The following NAP1L1 variants were observed in gnomAD, a reference collection of about 807,000 sequenced individuals.
NAP1L1 encodes nucleosome assembly protein 1 like 1, also known as nucleosome assembly protein 1-like 1.
NAP1L1 carries 9 observed loss-of-function variants against 58.9 expected under a neutral mutation model. That is an observed-to-expected ratio of 0.15 (90% CI 0.09 to 0.27). The LOEUF is 0.27. Among genes scored for constraint, NAP1L1 ranks in the 10% least tolerant of loss-of-function variants. NAP1L1 has a pLI of 1.00. For synonymous variants in NAP1L1, 130 were observed against 138.3 expected (o/e 0.94, Z 0.42); for missense variants, 302 against 458.8 (o/e 0.66, Z 3.12).
At position 76,039,959 on chromosome 12, in the gene NAP1L1, G is replaced by T. The variant is rs1168646268; in HGVS notation, c.*8470C>A. On this transcript the variant is annotated 3_prime_UTR_variant, in exon 15 of 15. Coordinates refer to ENST00000618691, the MANE Select transcript of NAP1L1 (RefSeq NM_004537.7). ...TCTAGTTACATTATACCCAACTTTT[G>T]AAAACACGTGTACTTAAGGGTCACC... is the stretch of plus-strand genomic sequence containing the variant. 6.6e-6 allele frequency: 1 copy of T among 152,066 alleles called. No individual in the cohort carries two copies. Among genetic ancestry groups the T allele is most frequent in the East Asian group, 1.9e-4 (1 of 5,190 alleles). The allele number at this position is 152,066 out of a possible 1,614,324, so 9.4% of individuals were successfully genotyped here.
chr12:76,062,741 A>G (rs1199302388), intron 4 of NAP1L1, among the ~76,000 whole-genome samples: 4 of 152,244 alleles, frequency 2.6e-5, no homozygotes, highest in Admixed American at 2.6e-4. Context: ...TGAGATATGG[A>G]CGACAAAAGT....
rs139945348 is a variant in NAP1L1, at chr12:76,056,240, AAGCACAGTC to A, written c.430-88_430-80del. On this transcript the variant is annotated intron_variant, in intron 6 of 14. Transcript: ENST00000618691. ...AAGTAGCAAAGGTATAAAAACCAAAAAGCACAGTCACCAGATATTACCTTCAAAGTTCTA... is the reference window on the plus strand; with the variant it reads ...AAGTAGCAAAGGTATAAAAACCAAAAACCAGATATTACCTTCAAAGTTCTA... 3,530 of 1,394,884 alleles carry A rather than the reference AAGCACAGTC, an allele frequency of 2.5e-3. 74 individuals are homozygous for A. In the African/African-American group the frequency reaches 0.046, roughly 18 times the overall value. The allele number at this position is 1,394,884 out of a possible 1,614,324, so 86.4% of individuals were successfully genotyped here. A position where few individuals can be genotyped will look rare whatever the true frequency, so the allele number is the denominator to read the frequency against.
chr12:76,084,077 GA>G (rs1950514509), intron 1 of NAP1L1: 1 of 152,252 alleles, frequency 6.6e-6, no homozygotes, highest in East Asian at 2.0e-4. Context: ...CCTCCCGTCG[GA>G]ATTCGCAGCC....
chr12:76,049,908 G>A, intron 12 of NAP1L1, 123 bp from the exon 13 acceptor site: 4 of 991,928 alleles, frequency 4.0e-6, no homozygotes, highest in Non-Finnish European at 4.6e-6. Context: ...TCCTATCAAG[G>A]GGCTGATTAT....
chr12:76,064,123 T>C (rs1289098774), intron 4 of NAP1L1, among the ~76,000 whole-genome samples: 2 of 152,080 alleles, frequency 1.3e-5, no homozygotes, highest in African/African-American at 4.8e-5. Flanking sequence ...CCAGAGTGGA[T>C]CACAGAGTAA....
rs1416311848 is a variant in NAP1L1, at chr12:76,040,327, A to ATTT, written c.*8101_*8102insAAA. The ATTT allele has an allele frequency of 6.6e-6, 1 of 152,118 alleles. No homozygotes were observed. The highest frequency in any genetic ancestry group is 2.4e-5 in the African/African-American group (1 of 41,402). The allele number at this position is 152,118 out of a possible 1,614,324, so 9.4% of individuals were successfully genotyped here. A position where few individuals can be genotyped will look rare whatever the true frequency, so the allele number is the denominator to read the frequency against. ...TTGATATGCCTTCCCTTGACTTTAA[A>ATTT]AAACAACTAAGTTGACTCTTGAATA... On this transcript the variant is annotated 3_prime_UTR_variant, in exon 15 of 15. Coordinates refer to ENST00000618691, the MANE Select transcript of NAP1L1 (RefSeq NM_004537.7).
At chr12:76,062,140 A>G (rs1949444670) in intron 4 of NAP1L1, among the ~76,000 whole-genome samples, 1 of 152,226 alleles carries the variant, frequency 6.6e-6, no homozygotes, top group Non-Finnish European at 1.5e-5. Flanking sequence ...TTCACCCTTC[A>G]CAAGAGCCCA....
intron 4 of NAP1L1, among the ~76,000 whole-genome samples, chr12:76,063,880 T>TAA (rs1565731990): frequency 6.2e-4 from 35 of 56,548 alleles, no homozygotes; most frequent in East Asian, 1.6e-3. Flanking sequence ...GGTTAAAAGT[T>TAA]TAAAAAAAAA....
In NAP1L1 at chr12:76,058,227, A is replaced by G. The variant is rs1949223423; in HGVS notation, c.429+1571T>C. On this transcript the variant is annotated intron_variant, in intron 6 of 14. Transcript: ENST00000618691. ...TATATATATATATATATATATATGT[A>G]TTCTACAGTAAAACTGTAGACTGCC... 7 of 244,270 alleles carry G rather than the reference A, an allele frequency of 2.9e-5. 2 individuals carry two copies. The highest frequency in any genetic ancestry group is 2.6e-4 in the Admixed American group (5 of 19,150). The allele number at this position is 244,270 out of a possible 1,614,324, so 15.1% of individuals were successfully genotyped here.
chr12:76,065,678 C>A (rs1949628776), intron 4 of NAP1L1, among the ~76,000 whole-genome samples: 1 of 152,022 alleles, frequency 6.6e-6, no homozygotes, highest in Non-Finnish European at 1.5e-5. Context: ...AAACTAAAGA[C>A]ACAGAATGTG....
intron 7 of NAP1L1, among the ~76,000 whole-genome samples, chr12:76,055,420 C>T (rs765566406): frequency 2.6e-5 from 4 of 152,168 alleles, no homozygotes; most frequent in Non-Finnish European, 5.9e-5. Context: ...TGCTTGTCCC[C>T]TTCCTCCTGG....
chr12:76,071,187 G>A (rs889636548), intron 2 of NAP1L1, among the ~76,000 whole-genome samples: 6 of 152,118 alleles, frequency 3.9e-5, no homozygotes, highest in African/African-American at 1.4e-4. Flanking sequence ...TTAGAGAATC[G>A]TATGTGGCCC....
rs1031593292 is a variant in NAP1L1 at position 76,050,963 on chromosome 12, G to A, written c.937-310C>T. On this transcript the variant is annotated intron_variant, in intron 11 of 14. Coordinates refer to ENST00000618691, the MANE Select transcript of NAP1L1 (RefSeq NM_004537.7). Reference sequence around the variant, plus strand: ...GAGCCCAGCAGCTTGAGGCTGAAATGAGCTGTGATCACACCAGTGTACTCT... The same window carrying A: ...GAGCCCAGCAGCTTGAGGCTGAAATAAGCTGTGATCACACCAGTGTACTCT... 2.8e-5 allele frequency among the ~76,000 whole-genome samples: 4 copies of A among 142,980 alleles called. No individual in the cohort carries two copies. The Admixed American group carries it at 2.9e-4, about 10-fold the overall frequency. 93.8% of individuals were successfully genotyped at this position (142,980 alleles called of 152,430 possible).
intron 7 of NAP1L1, 37 bp from the exon 8 acceptor site, chr12:76,055,127 GCATT>G: frequency 7.0e-7 from 1 of 1,423,364 alleles, no homozygotes. Flanking sequence ...GAATAACATG[GCATT>G]CGAGGACTGT....
chr12:76,058,449 C>T (rs371934174), intron 6 of NAP1L1, among the ~76,000 whole-genome samples: 2 of 148,168 alleles, frequency 1.3e-5, no homozygotes, highest in African/African-American at 2.5e-5. Flanking sequence ...CGCAGTGGTG[C>T]GATCTCGGCT....
intron 2 of NAP1L1, among the ~76,000 whole-genome samples, chr12:76,073,279 A>G (rs926452044): frequency 6.6e-6 from 1 of 152,076 alleles, no homozygotes; most frequent in African/African-American, 2.4e-5. Flanking sequence ...TGCCTACAAC[A>G]GCTATGGAAA....
intron 6 of NAP1L1, chr12:76,057,529 G>C: frequency 1.3e-6 from 1 of 752,952 alleles, no homozygotes; most frequent in Non-Finnish European, 2.3e-6. Context: ...AACTGCCTGG[G>C]TTTGTGAAAT....
chr12:76,049,085 G>T, intron 14 of NAP1L1, 115 bp downstream of exon 14: 1 of 1,042,946 alleles, frequency 9.6e-7, no homozygotes. Flanking sequence ...AAGTTATCCA[G>T]TCAATAGGCT....
At chr12:76,074,122 T>C (rs1347015245) in intron 2 of NAP1L1, 81 bp downstream of exon 2, 1 of 1,181,992 alleles carries the variant, frequency 8.5e-7, no homozygotes, top group Admixed American at 1.8e-5. Context: ...TCATAATATA[T>C]AATTCATACT....
Sources: allele counts gnomAD v4.1 joint callset (sites outside exome capture counted in the v4.1 genomes callset), GRCh38; gene constraint gnomAD v4.1.1; transcripts MANE v1.5; gene names NCBI Gene and HGNC (gene_info 2026-07-23, HGNC 2026-07-21).